Variants in OR51B5 observed in about 807,000 individuals in gnomAD.
OR51B5 encodes olfactory receptor family 51 subfamily B member 5.
For missense variants in OR51B5, 456 were observed against 374.6 expected, an observed-to-expected ratio of 1.22 and a Z score of -1.79; for synonymous variants, 186 against 144.8, an observed-to-expected ratio of 1.28 and a Z score of -2.04.
intron 1 of OR51B5, among the ~76,000 whole-genome samples, chr11:5,439,005 T>C (rs961730609): frequency 1.3e-5 from 2 of 152,172 alleles, no homozygotes; most frequent in African/African-American, 4.8e-5. Flanking sequence ...GACTTCCTGA[T>C]CAGGAGACTT....
chr11:5,372,383 C>A (rs1260528414), intron 1 of OR51B5, among the ~76,000 whole-genome samples: 2 of 152,186 alleles, frequency 1.3e-5, no homozygotes, highest in African/African-American at 2.4e-5. Context: ...TACATTCCCA[C>A]CAGCTATGCA....
rs565894228 is a variant in OR51B5, at chr11:5,368,262, TG to T, written n.85-21353del. Among the ~76,000 whole-genome samples, 92 of 152,348 alleles carry T rather than the reference TG, an allele frequency of 6.0e-4. 1 individual carries two copies. The highest frequency in any genetic ancestry group is 8.2e-4 in the Non-Finnish European group (56 of 68,026). On this transcript the variant is annotated intron_variant and non_coding_transcript_variant, in intron 1 of 4. Transcript: ENST00000415970. Reference sequence around the variant, plus strand: ...CAGTAGTTTTGGGAATTAAACAGTTTGGTTTACAATCCCACCTTCCACTTAT... The same window carrying T: ...CAGTAGTTTTGGGAATTAAACAGTTTGTTTACAATCCCACCTTCCACTTAT...
intron 1 of OR51B5, among the ~76,000 whole-genome samples, chr11:5,365,546 T>C (rs1312209513): frequency 2.0e-5 from 3 of 152,128 alleles, no homozygotes; most frequent in Non-Finnish European, 4.4e-5. Flanking sequence ...CGAAGTTTTT[T>C]CACAAAGCAT....
intron 1 of OR51B5, chr11:5,392,328 G>T (rs1401117580): frequency 6.6e-6 from 1 of 152,144 alleles, no homozygotes; most frequent in Non-Finnish European, 1.5e-5. Flanking sequence ...TTACTCAATA[G>T]CAGTTCCGAG....
intron 1 of OR51B5, among the ~76,000 whole-genome samples, chr11:5,366,668 AGAGAAGAAGAAGAAGAAG>A (rs1849373791): frequency 6.6e-6 from 1 of 151,560 alleles, no homozygotes; most frequent in Admixed American, 6.6e-5. Flanking sequence ...AAAGGAAGGA[AGAGAAGAAGAAGAAGAAG>A]GAGAAGGAGA....
intron 1 of OR51B5, among the ~76,000 whole-genome samples, chr11:5,423,905 T>C (rs899074060): frequency 6.6e-6 from 1 of 152,122 alleles, no homozygotes; most frequent in African/African-American, 2.4e-5. Context: ...TCATTTTTTT[T>C]CCGGACCAGA....
chr11:5,472,258 A>G (rs1283043440), intron 1 of OR51B5, among the ~76,000 whole-genome samples: 2 of 152,072 alleles, frequency 1.3e-5, no homozygotes, highest in Non-Finnish European at 2.9e-5. Flanking sequence ...GAAAATAAAA[A>G]TTACCTTAAA....
intron 1 of OR51B5, among the ~76,000 whole-genome samples, chr11:5,415,582 G>A (rs1850230222): frequency 1.3e-5 from 2 of 152,110 alleles, no homozygotes; most frequent in Admixed American, 1.3e-4. Context: ...AATGAAAAAT[G>A]ATAAAGGGGA....
intron 1 of OR51B5, chr11:5,455,166 C>T (rs1455792455): frequency 1.3e-5 from 2 of 152,158 alleles, no homozygotes; most frequent in Non-Finnish European, 2.9e-5. Flanking sequence ...GCCCACCACT[C>T]AATCCTTACC....
intron 1 of OR51B5, among the ~76,000 whole-genome samples, chr11:5,476,575 A>G (rs1851309415): frequency 6.6e-6 from 1 of 152,228 alleles, no homozygotes; most frequent in Non-Finnish European, 1.5e-5. Flanking sequence ...AACTGAGACC[A>G]TCAGTATTTC....
At chr11:5,415,591 G>T (rs1466316658) in intron 1 of OR51B5, among the ~76,000 whole-genome samples, 5 of 152,032 alleles carry the variant, frequency 3.3e-5, no homozygotes, top group Non-Finnish European at 7.4e-5. Context: ...TGATAAAGGG[G>T]ATATCACCAC....
At chr11:5,399,616 C>T (rs113627647) in intron 1 of OR51B5, among the ~76,000 whole-genome samples, 1,615 of 152,240 alleles carry the variant, frequency 0.011, 30 homozygotes, top group African/African-American at 0.036. Flanking sequence ...CTATAGACTA[C>T]ATGATCCCTT....
At chr11:5,396,084 T>A (rs1304963941) in intron 1 of OR51B5, among the ~76,000 whole-genome samples, 2 of 152,216 alleles carry the variant, frequency 1.3e-5, no homozygotes, top group South Asian at 4.1e-4. Context: ...GAAGTTATGA[T>A]TGTAATACAG....
rs538287338 is a variant in OR51B5 at position 5,413,055 on chromosome 11, C to T, written n.85-66145G>A. ...CACCCCCCAGTAGGGCAGACTGACA[C>T]CTCACACGGCCTGATACTCCTCTGA... On this transcript the variant is annotated intron_variant and non_coding_transcript_variant, in intron 1 of 4. Transcript: ENST00000415970. Among the ~76,000 whole-genome samples the T allele has an allele frequency of 1.6e-3, 251 of 152,272 alleles. 1 individual carries two copies. The highest frequency in any genetic ancestry group is 5.8e-3 in the African/African-American group (241 of 41,562).
chr11:5,491,826 T>G (rs1234187009), intron 1 of OR51B5, among the ~76,000 whole-genome samples: 1 of 152,190 alleles, frequency 6.6e-6, no homozygotes, highest in East Asian at 1.9e-4. Context: ...ACCTATGCAC[T>G]AAAAAGAAAT....
At chr11:5,441,130 A>C in intron 1 of OR51B5, 1 of 1,614,044 alleles carries the variant, frequency 6.2e-7, no homozygotes, top group Non-Finnish European at 8.5e-7. Flanking sequence ...AATGGATAAC[A>C]AATAGCCACA....
intron 1 of OR51B5, among the ~76,000 whole-genome samples, chr11:5,381,146 G>C (rs1031003203): frequency 1.0e-5 from 1 of 95,824 alleles, no homozygotes; most frequent in Non-Finnish European, 2.3e-5. Flanking sequence ...TCTCTCTGTC[G>C]CTCGCTCGCT....
intron 1 of OR51B5, among the ~76,000 whole-genome samples, chr11:5,439,321 T>C (rs956970088): frequency 6.6e-6 from 1 of 152,134 alleles, no homozygotes; most frequent in Admixed American, 6.6e-5. Context: ...CACTGTCTCA[T>C]GGAGATATTA....
intron 1 of OR51B5, among the ~76,000 whole-genome samples, chr11:5,461,562 G>A (rs1163577136): frequency 6.6e-6 from 1 of 152,188 alleles, no homozygotes; most frequent in African/African-American, 2.4e-5. Context: ...CTACAGGAGT[G>A]TGGCAAGCTT....
Sources: allele counts gnomAD v4.1 joint callset (sites outside exome capture counted in the v4.1 genomes callset), GRCh38; gene constraint gnomAD v4.1.1; transcripts MANE v1.5; gene names NCBI Gene and HGNC (gene_info 2026-07-23, HGNC 2026-07-21).